The following NPAS3 variants were observed in gnomAD, a reference collection of about 807,000 sequenced individuals.
NPAS3 encodes neuronal PAS domain-containing protein 3.
In NPAS3, 14 loss-of-function variants were observed where a neutral mutation model predicts 73.1. The observed-to-expected ratio is 0.19, with a 90% CI of 0.13 to 0.30. The LOEUF (loss-of-function observed/expected upper bound fraction) is 0.30, where lower values mean the gene tolerates loss of function less well. Among genes scored for constraint, NPAS3 ranks in the 10% least tolerant of loss-of-function variants. The probability of loss-of-function intolerance (pLI) is 1.00; values close to 1 mark genes in which losing one functional copy is unlikely to be tolerated. For synonymous variants in NPAS3, 620 were observed against 541.5 expected, an observed-to-expected ratio of 1.14 and a Z score of -2.01; for missense variants, 1,096 against 1,250.0, an observed-to-expected ratio of 0.88 and a Z score of 1.86.
intron 3 of NPAS3, among the ~76,000 whole-genome samples, chr14:33,284,624 T>C (rs1402767422): frequency 6.6e-6 from 1 of 152,152 alleles, no homozygotes; most frequent in Admixed American, 6.6e-5. Flanking sequence ...AAAATGATTT[T>C]TTTTCTCCAA....
chr14:33,530,182 A>G (rs1362795507), intron 4 of NPAS3, among the ~76,000 whole-genome samples: 1 of 152,158 alleles, frequency 6.6e-6, no homozygotes, highest in African/African-American at 2.4e-5. Context: ...AAAACGGTTT[A>G]ATTATAAAAA....
At chr14:33,761,764 C>T (rs56002524) in intron 7 of NPAS3, among the ~76,000 whole-genome samples, 29,721 of 151,970 alleles carry the variant, frequency 0.2, 3,255 homozygotes, top group African/African-American at 0.27. Context: ...TTCTTACGTT[C>T]GAGGGAATAG....
At chr14:33,765,298 A>G (rs936681067) in intron 7 of NPAS3, among the ~76,000 whole-genome samples, 1 of 72,638 alleles carries the variant, frequency 1.4e-5, no homozygotes, top group Non-Finnish European at 2.8e-5. Context: ...TTTCTGCATT[A>G]AAAAAAAAAA....
intron 2 of NPAS3, among the ~76,000 whole-genome samples, chr14:33,157,205 C>A (rs1595568741): frequency 2.0e-5 from 3 of 152,158 alleles, no homozygotes; most frequent in Admixed American, 6.6e-5. Flanking sequence ...ATATGCTGAT[C>A]TAGAATTAAA....
chr14:33,087,551 AT>A (rs1458761294), intron 2 of NPAS3, among the ~76,000 whole-genome samples: 2 of 152,170 alleles, frequency 1.3e-5, no homozygotes, highest in Non-Finnish European at 2.9e-5. Flanking sequence ...ATTCATTTGT[AT>A]TGGCTAAATG....
Position 33,797,421 on chromosome 14 carries a change from G to T in NPAS3, c.1302-36G>T, listed in dbSNP as rs760853782. ...GGTCCAAACAAACCATGCAGAATGG[G>T]TGTCTGCACTCCTGACCAGTGCCTC... On this transcript the variant is annotated intron_variant, in intron 10 of 11. Transcript: ENST00000356141. The T allele has an allele frequency of 1.7e-5, 28 of 1,608,618 alleles. No individual in the cohort carries two copies. In the Admixed American group the frequency reaches 4.2e-4, roughly 24 times the overall value.
chr14:32,938,198 T>C (rs1436505424), upstream of NPAS3, among the ~76,000 whole-genome samples: 1 of 152,112 alleles, frequency 6.6e-6, no homozygotes, highest in Non-Finnish European at 1.5e-5. Context: ...AAGGTGCTTG[T>C]GCTGCTGCTG....
intron 1 of NPAS3, among the ~76,000 whole-genome samples, chr14:33,015,744 A>G (rs2039368363): frequency 6.6e-6 from 1 of 152,208 alleles, no homozygotes; most frequent in African/African-American, 2.4e-5. Flanking sequence ...TATTCTCAAG[A>G]AGGAAATACA....
intron 2 of NPAS3, among the ~76,000 whole-genome samples, chr14:33,080,939 GA>G (rs2041844336): frequency 6.6e-6 from 1 of 152,180 alleles, no homozygotes; most frequent in Non-Finnish European, 1.5e-5. Context: ...ACTATTTCCT[GA>G]AGTGTTTCCC....
chr14:33,369,378 C>T (rs1827269), intron 4 of NPAS3, among the ~76,000 whole-genome samples: 1 of 121,612 alleles, frequency 8.2e-6, no homozygotes. Flanking sequence ...TCAATGCCCT[C>T]TCTATTTATT....
intron 3 of NPAS3, among the ~76,000 whole-genome samples, chr14:33,265,751 G>T (rs1006105324): frequency 6.6e-6 from 1 of 151,968 alleles, no homozygotes; most frequent in Non-Finnish European, 1.5e-5. Flanking sequence ...ACTATATTCT[G>T]CTACTTTCTT....
chr14:33,798,971 T>C (rs1451279544), intron 11 of NPAS3, among the ~76,000 whole-genome samples: 1 of 75,760 alleles, frequency 1.3e-5, no homozygotes, highest in Non-Finnish European at 2.8e-5. Context: ...CAAGACCCTG[T>C]CTCTACAAAA....
intron 2 of NPAS3, among the ~76,000 whole-genome samples, chr14:33,122,330 A>T (rs1336437318): frequency 6.6e-6 from 1 of 152,186 alleles, no homozygotes; most frequent in Non-Finnish European, 1.5e-5. Context: ...TTGGAACTAT[A>T]TAACCATCAC....
chr14:33,499,833 C>T (rs1416028258), intron 4 of NPAS3, among the ~76,000 whole-genome samples: 1 of 151,874 alleles, frequency 6.6e-6, no homozygotes, highest in African/African-American at 2.4e-5. Context: ...CTTGCTTTCC[C>T]GCTATTTCCA....
intron 5 of NPAS3, among the ~76,000 whole-genome samples, chr14:33,644,905 A>C (rs1461517663): frequency 6.6e-6 from 1 of 152,020 alleles, no homozygotes; most frequent in Non-Finnish European, 1.5e-5. Flanking sequence ...ACATGGTGAA[A>C]CCTCGTCTTT....
intron 11 of NPAS3, among the ~76,000 whole-genome samples, 200 bp downstream of exon 11, chr14:33,797,781 TG>T (rs1483941953): frequency 6.6e-6 from 1 of 152,014 alleles, no homozygotes; most frequent in Non-Finnish European, 1.5e-5. Flanking sequence ...CATACCTGTA[TG>T]TACTATATAG....
At chr14:33,678,184 A>G (rs914456870) in intron 6 of NPAS3, among the ~76,000 whole-genome samples, 2 of 152,184 alleles carry the variant, frequency 1.3e-5, no homozygotes, top group Admixed American at 6.5e-5. Flanking sequence ...CAGCCTTTCC[A>G]GTCTCTGCTA....
intron 6 of NPAS3, among the ~76,000 whole-genome samples, chr14:33,729,863 AT>A: frequency 6.6e-6 from 1 of 152,280 alleles, no homozygotes; most frequent in Non-Finnish European, 1.5e-5. Context: ...AATTTGTAGC[AT>A]TTTAAAACTA....
chr14:33,677,429 A>C (rs551370729), intron 6 of NPAS3, among the ~76,000 whole-genome samples: 66 of 152,280 alleles, frequency 4.3e-4, no homozygotes, highest in South Asian at 1.2e-3. Context: ...TTATTTTTTC[A>C]CTCTTCAAAG....
Sources: allele counts gnomAD v4.1 joint callset (sites outside exome capture counted in the v4.1 genomes callset), GRCh38; gene constraint gnomAD v4.1.1; transcripts MANE v1.5; gene names NCBI Gene and HGNC (gene_info 2026-07-23, HGNC 2026-07-21).